The following DEFB112 variants were observed in gnomAD, a reference collection of about 807,000 sequenced individuals.
The protein encoded by DEFB112 is defensin beta 112.
DEFB112 carries 2 observed loss-of-function variants against 1.1 expected under a neutral mutation model. The observed-to-expected ratio is 1.85, with a 90% CI of 0.76 to 5.83. DEFB112 has a LOEUF of 5.83. Among genes scored for constraint, DEFB112 ranks in the 30% most tolerant of loss-of-function variants. DEFB112 has a pLI of 0.05. For missense variants in DEFB112, 120 were observed against 94.4 expected (o/e 1.27, Z -1.12); for synonymous variants, 40 against 31.2 (o/e 1.28, Z -0.93).
intron 1 of DEFB112, chr6:50,048,656 G>T (rs781764854): frequency 1.3e-6 from 2 of 1,598,158 alleles, no homozygotes; most frequent in Admixed American, 3.3e-5. Context: ...TTTCATAAGA[G>T]TGCTAAGAGG....
intron 1 of DEFB112, among the ~76,000 whole-genome samples, chr6:50,048,312 C>T (rs1360737683): frequency 6.6e-6 from 1 of 152,248 alleles, no homozygotes; most frequent in East Asian, 1.9e-4. Flanking sequence ...GGACATTTGT[C>T]TAGCCAGCAT....
rs1774763348 is a variant in DEFB112, at chr6:50,042,626, A to G, written c.*949T>C. 6.6e-6 allele frequency among the ~76,000 whole-genome samples: 1 copy of G among 152,022 alleles called. No homozygotes were observed. The highest frequency in any genetic ancestry group is 2.1e-4 in the South Asian group (1 of 4,834). On this transcript the variant is annotated 3_prime_UTR_variant, in exon 2 of 2. Transcript: ENST00000651554. ...CTGCAAAACCATCACCTATTTTTAGAGTTGATATTTCAAAATGTTTGAATA... is the reference window on the plus strand; with the variant it reads ...CTGCAAAACCATCACCTATTTTTAGGGTTGATATTTCAAAATGTTTGAATA...
At chr6:50,048,165 T>A (rs676497) in intron 1 of DEFB112, among the ~76,000 whole-genome samples, 23,671 of 151,090 alleles carry the variant, frequency 0.16, 3,810 homozygotes, top group African/African-American at 0.41. Context: ...AAAAAATAAA[T>A]ATGTCCAGCT....
At chr6:50,049,721 T>A (rs1188715545) in intron 1 of DEFB112, among the ~76,000 whole-genome samples, 91 bp downstream of exon 1, 1 of 152,098 alleles carries the variant, frequency 6.6e-6, no homozygotes, top group Non-Finnish European at 1.5e-5. Flanking sequence ...ATTAATAAAA[T>A]GTTTTATAAT....
rs1034968646 is a variant in DEFB112 at position 50,043,537 on chromosome 6, T to C, written c.*38A>G. On this transcript the variant is annotated 3_prime_UTR_variant, in exon 2 of 2. Coordinates refer to ENST00000651554, the MANE Select transcript of DEFB112 (RefSeq NM_001369057.2). ...TGAAGTGATGAAATAATGAGAGGAC[T>C]TCATTCAGATGTATCATCTTCTTGT... is the stretch of plus-strand genomic sequence containing the variant. The C allele has an allele frequency of 1.5e-5, 23 of 1,522,626 alleles. No homozygotes were observed. Among genetic ancestry groups the C allele is most frequent in the Non-Finnish European group, 2.0e-5 (22 of 1,101,258 alleles). The allele number at this position is 1,522,626 out of a possible 1,614,324, so 94.3% of individuals were successfully genotyped here. A position where few individuals can be genotyped will look rare whatever the true frequency, so the allele number is the denominator to read the frequency against.
chr6:50,046,566 G>A (rs1330660055), intron 1 of DEFB112, among the ~76,000 whole-genome samples: 5 of 152,020 alleles, frequency 3.3e-5, no homozygotes, highest in African/African-American at 1.2e-4. Context: ...GCATTTTCTT[G>A]ATTGCAAGTG....
intron 1 of DEFB112, among the ~76,000 whole-genome samples, chr6:50,046,436 G>T (rs1189685231): frequency 6.6e-6 from 1 of 152,008 alleles, no homozygotes; most frequent in Admixed American, 6.6e-5. Flanking sequence ...GGAGAATTTG[G>T]CTGCTCTTAA....
chr6:50,046,175 C>T (rs181152806), intron 1 of DEFB112, among the ~76,000 whole-genome samples: 2 of 150,844 alleles, frequency 1.3e-5, no homozygotes, highest in African/African-American at 4.9e-5. Flanking sequence ...ATTTTCAACT[C>T]AAAATGTCTT....
Position 50,043,037 on chromosome 6 carries a change from C to T in DEFB112, c.*538G>A, listed in dbSNP as rs1302219850. 6.6e-6 allele frequency among the ~76,000 whole-genome samples: 1 copy of T among 151,898 alleles called. No homozygotes were observed. ...CTCAACCTAGTCTCCCTCTATTCTA[C>T]CTTTTGAGATTATTCTTGGAAAAAA... On this transcript the variant is annotated 3_prime_UTR_variant, in exon 2 of 2. Transcript: ENST00000651554.
chr6:50,043,821 G>A lies in DEFB112; in HGVS notation c.59-20C>T, dbSNP rs750113521. The A allele has an allele frequency of 6.2e-7, 1 of 1,603,458 alleles. No individual in the cohort carries two copies. Among genetic ancestry groups the A allele is most frequent in the East Asian group, 2.2e-5 (1 of 44,780 alleles). On this transcript the variant is annotated intron_variant, in intron 1 of 1. Coordinates refer to ENST00000651554, the MANE Select transcript of DEFB112 (RefSeq NM_001369057.2). ...TTCTGGCTGAAAGAAGGCAAGAACA[G>A]CTGGAATTAGTAATCTAGGTGGGAA...
chr6:50,048,790 A>G, intron 1 of DEFB112: 1 of 596,750 alleles, frequency 1.7e-6, no homozygotes, highest in Non-Finnish European at 2.9e-6. Context: ...AAAAGGTTTT[A>G]CAAAATGATA....
intron 1 of DEFB112, among the ~76,000 whole-genome samples, chr6:50,049,418 T>C (rs985634856): frequency 5.3e-5 from 8 of 152,142 alleles, no homozygotes; most frequent in Non-Finnish European, 1.0e-4. Flanking sequence ...TAAATATCAC[T>C]GTGGGGATCA....
Position 50,043,384 on chromosome 6 carries a change from C to A in DEFB112, c.*191G>T, listed in dbSNP as rs946504458. Among the ~76,000 whole-genome samples, 3 of 152,014 alleles carry A rather than the reference C, an allele frequency of 2.0e-5. No homozygotes were observed. Among genetic ancestry groups the A allele is most frequent in the African/African-American group, 7.2e-5 (3 of 41,404 alleles). On this transcript the variant is annotated 3_prime_UTR_variant, in exon 2 of 2. Coordinates refer to ENST00000651554, the MANE Select transcript of DEFB112 (RefSeq NM_001369057.2). ...GCTGCTTCTATTCCAGAGTTCAAAT[C>A]CCTGCTTTGTATTCTGATTCTTTCT...
intron 1 of DEFB112, among the ~76,000 whole-genome samples, chr6:50,046,699 T>C (rs565224220): frequency 2.0e-5 from 3 of 152,324 alleles, no homozygotes; most frequent in East Asian, 1.9e-4. Context: ...AAATATATTC[T>C]AGATTTAAGC....
intron 1 of DEFB112, among the ~76,000 whole-genome samples, chr6:50,048,153 A>AT (rs1235633716): frequency 6.6e-6 from 1 of 152,044 alleles, no homozygotes; most frequent in African/African-American, 2.4e-5. Flanking sequence ...GTCTCAAAAA[A>AT]AAAAAAATAA....
rs148732768 is a variant in DEFB112, at chr6:50,044,314, T to TA, written c.59-514dup. ...GAGCCAAGCACAAGAGAAGTTTTGC[T>TA]AAAAAAATAGACACTTTGGGGTGAT... On this transcript the variant is annotated intron_variant, in intron 1 of 1. Coordinates refer to ENST00000651554, the MANE Select transcript of DEFB112 (RefSeq NM_001369057.2). Among the ~76,000 whole-genome samples, 341 of 152,142 alleles carry TA rather than the reference T, an allele frequency of 2.2e-3. 9 individuals are homozygous for TA. In the East Asian group the frequency reaches 0.061, roughly 27 times the overall value.
chr6:50,044,675 A>G (rs899667079), intron 1 of DEFB112, among the ~76,000 whole-genome samples: 1 of 152,020 alleles, frequency 6.6e-6, no homozygotes, highest in African/African-American at 2.4e-5. Flanking sequence ...TTGAATCTAT[A>G]TAATAATTTT....
At chr6:50,046,407 T>C (rs1774835170) in intron 1 of DEFB112, among the ~76,000 whole-genome samples, 1 of 152,188 alleles carries the variant, frequency 6.6e-6, no homozygotes, top group South Asian at 2.1e-4. Context: ...TATATGATCA[T>C]ATAGGTTATT....
intron 1 of DEFB112, among the ~76,000 whole-genome samples, chr6:50,044,741 A>ATTACCTAAGTACATACTTAGGAAG (rs1774805323): frequency 6.6e-6 from 1 of 152,090 alleles, no homozygotes; most frequent in South Asian, 2.1e-4. Context: ...TAGGAAGTAC[A>ATTACCTAAGTACATACTTAGGAAG]TATCTACCAT....
Sources: gnomAD v4.1 joint callset for allele counts (sites outside exome capture counted in the v4.1 genomes callset) on GRCh38, gnomAD v4.1.1 for gene constraint, MANE v1.5 for transcripts, NCBI Gene and HGNC (gene_info 2026-07-23, HGNC 2026-07-21) for gene names.